NPLOC4: variants seen among roughly 807,000 people sequenced by gnomAD.
NPLOC4 encodes the protein nuclear protein localization protein 4 homolog.
NPLOC4 carries 18 observed loss-of-function variants against 80.6 expected under a neutral mutation model. The observed-to-expected ratio is 0.22, with a 90% confidence interval of 0.15 to 0.33. The LOEUF (loss-of-function observed/expected upper bound fraction) is 0.33, where lower values mean the gene tolerates loss of function less well. Among genes scored for constraint, NPLOC4 ranks in the 10% least tolerant of loss-of-function variants. The pLI, the probability that NPLOC4 is intolerant of heterozygous loss-of-function variation, is 1.00. For missense variants in NPLOC4, 540 were observed against 786.1 expected, an observed-to-expected ratio of 0.69 and a Z score of 3.74; for synonymous variants, 313 against 301.5, an observed-to-expected ratio of 1.04 and a Z score of -0.39.
intron 2 of NPLOC4, among the ~76,000 whole-genome samples, chr17:81,629,396 G>C (rs2035876312): frequency 6.6e-6 from 1 of 151,808 alleles, no homozygotes; most frequent in Non-Finnish European, 1.5e-5. Flanking sequence ...CACCATCTTG[G>C]CCAGGCTGGT....
chr17:81,599,144 C>A (rs1249023615), intron 9 of NPLOC4, among the ~76,000 whole-genome samples: 2 of 152,206 alleles, frequency 1.3e-5, no homozygotes, highest in African/African-American at 4.8e-5. Flanking sequence ...CAAAAATTAA[C>A]TGGGCGTTGT....
At chr17:81,607,777 C>T (rs7223613) in intron 6 of NPLOC4, among the ~76,000 whole-genome samples, 69,158 of 151,964 alleles carry the variant, frequency 0.46, 16,857 homozygotes, top group Non-Finnish European at 0.55. Context: ...TGACAAGCAA[C>T]AGTGGGTTTC....
intron 12 of NPLOC4, among the ~76,000 whole-genome samples, chr17:81,584,302 C>G (rs1002730800): frequency 1.3e-5 from 2 of 152,132 alleles, no homozygotes; most frequent in African/African-American, 4.8e-5. Flanking sequence ...CCTATTCTCG[C>G]TAACAGAGGG....
chr17:81,575,243 G>A (rs949918660), intron 12 of NPLOC4, among the ~76,000 whole-genome samples: 2 of 152,160 alleles, frequency 1.3e-5, no homozygotes, highest in African/African-American at 4.8e-5. Flanking sequence ...GGGACTACAG[G>A]TGCCCGCCAC....
intron 8 of NPLOC4, among the ~76,000 whole-genome samples, chr17:81,601,100 A>G (rs1467582554): frequency 6.6e-6 from 1 of 152,214 alleles, no homozygotes; most frequent in Non-Finnish European, 1.5e-5. Flanking sequence ...ATCACTTCCC[A>G]GAGTGGACCA....
At chr17:81,612,221 C>T (rs781698367) in intron 4 of NPLOC4, among the ~76,000 whole-genome samples, 47 of 152,110 alleles carry the variant, frequency 3.1e-4, no homozygotes, top group Non-Finnish European at 4.6e-4. Flanking sequence ...GCCGTCCCTC[C>T]GGGGCTCAGT....
At chr17:81,607,506 C>G (rs1298447796) in intron 6 of NPLOC4, among the ~76,000 whole-genome samples, 1 of 152,086 alleles carries the variant, frequency 6.6e-6, no homozygotes. Context: ...CATGTCCACA[C>G]TGTGGAACGG....
intron 2 of NPLOC4, among the ~76,000 whole-genome samples, chr17:81,625,152 G>A (rs1420727004): frequency 6.6e-6 from 1 of 152,210 alleles, no homozygotes; most frequent in Non-Finnish European, 1.5e-5. Flanking sequence ...AGGACCAGGG[G>A]CAGGAATGGA....
chr17:81,630,528 A>G (rs369622280), intron 1 of NPLOC4, among the ~76,000 whole-genome samples: 5 of 151,932 alleles, frequency 3.3e-5, no homozygotes, highest in East Asian at 3.9e-4. Context: ...TGATCCTGCC[A>G]CTGTGCTGGG....
intron 9 of NPLOC4, among the ~76,000 whole-genome samples, chr17:81,599,755 A>G (rs191433251): frequency 5.9e-5 from 9 of 152,388 alleles, no homozygotes; most frequent in African/African-American, 1.9e-4. Flanking sequence ...AACCAGATCA[A>G]TAGAATAAAA....
intron 3 of NPLOC4, among the ~76,000 whole-genome samples, chr17:81,617,932 T>G (rs1290801603): frequency 6.6e-6 from 1 of 152,230 alleles, no homozygotes; most frequent in African/African-American, 2.4e-5. Context: ...GTGCCGGGAT[T>G]GCAGACGGAG....
chr17:81,636,576 A>C, intron 1 of NPLOC4: 1 of 234,812 alleles, frequency 4.3e-6, no homozygotes, highest in East Asian at 8.0e-5. Flanking sequence ...GAGTCCCTGG[A>C]ATTAGACCAG....
At chr17:81,619,894 G>C (rs1439593782) in intron 3 of NPLOC4, among the ~76,000 whole-genome samples, 1 of 151,580 alleles carries the variant, frequency 6.6e-6, no homozygotes, top group African/African-American at 2.4e-5. Flanking sequence ...AAAAAAAAAG[G>C]TGGGGGTACA....
At chr17:81,604,501 A>G (rs1790609111) in intron 8 of NPLOC4, 47 bp downstream of exon 8, 1 of 1,575,386 alleles carries the variant, frequency 6.3e-7, no homozygotes, top group Non-Finnish European at 8.6e-7. Flanking sequence ...CGTCCCCCAC[A>G]GCCTCCAAAC....
chr17:81,612,602 C>T (rs2035368752), intron 4 of NPLOC4: 1 of 152,228 alleles, frequency 6.6e-6, no homozygotes, highest in African/African-American at 2.4e-5. Context: ...GTCACATCTA[C>T]AGAGTGATGC....
intron 1 of NPLOC4, among the ~76,000 whole-genome samples, chr17:81,634,363 G>A (rs1340061650): frequency 6.6e-6 from 1 of 151,950 alleles, no homozygotes; most frequent in Non-Finnish European, 1.5e-5. Context: ...AATTTCAAAA[G>A]AAGAGTGTTT....
rs754200029 is a variant in NPLOC4, at chr17:81,622,118, G to A, written c.209+48C>T. 5.1e-6 allele frequency: 7 copies of A among 1,370,006 alleles called. No homozygotes were observed. In the Admixed American group the frequency reaches 1.0e-4, roughly 20 times the overall value. The allele number at this position is 1,370,006 out of a possible 1,614,324, so 84.9% of individuals were successfully genotyped here. A position where few individuals can be genotyped will look rare whatever the true frequency, so the allele number is the denominator to read the frequency against. ...CTCGGCAACCTCGGGCAGATCATGG[G>A]GACCTCATTTCCCCCCATTCCCTGC... On this transcript the variant is annotated intron_variant, in intron 3 of 16. Transcript: ENST00000331134.
intron 4 of NPLOC4, 91 bp downstream of exon 4, chr17:81,613,226 CT>C (rs2144255440): frequency 9.0e-7 from 1 of 1,106,014 alleles, no homozygotes; most frequent in South Asian, 2.1e-5. Flanking sequence ...TCATCAGATA[CT>C]TATTAAAACA....
intron 4 of NPLOC4, 137 bp downstream of exon 4, chr17:81,613,181 T>C (rs1429253612): frequency 7.3e-6 from 5 of 686,880 alleles, no homozygotes; most frequent in Non-Finnish European, 1.1e-5. Context: ...TGAAGTTTAA[T>C]CTGAAGATAG....
Sources: allele counts gnomAD v4.1 joint callset (sites outside exome capture counted in the v4.1 genomes callset), GRCh38; gene constraint gnomAD v4.1.1; transcripts MANE v1.5; gene names NCBI Gene and HGNC (gene_info 2026-07-23, HGNC 2026-07-21).